The following TMEM70 variants were observed in gnomAD, a reference collection of about 807,000 sequenced individuals.
The protein encoded by TMEM70 is transmembrane protein 70.
Under a neutral mutation model 20.5 loss-of-function variants are expected in TMEM70, and 15 were observed. The ratio of observed to expected loss-of-function variants is 0.73; its 90% CI spans 0.49 to 1.13. TMEM70 has a LOEUF of 1.13. Among genes scored for constraint, TMEM70 ranks in the 50% most tolerant of loss-of-function variants. The pLI, the probability that TMEM70 is intolerant of heterozygous loss-of-function variation, is 0.00. For synonymous variants in TMEM70, 141 were observed against 134.2 expected, an observed-to-expected ratio of 1.05 and a Z score of -0.35; for missense variants, 344 against 331.7, an observed-to-expected ratio of 1.04 and a Z score of -0.29.
In TMEM70 at chr8:73,982,192, C is replaced by T. The variant is rs562758353; in HGVS notation, c.*571C>T. On this transcript the variant is annotated 3_prime_UTR_variant, in exon 3 of 3. Transcript: ENST00000312184. ...GTGGCAATTCACCGAATTCATATCA[C>T]TCTAACGAGTTGCAACGTAAAATCC... The T allele has an allele frequency of 2.8e-3, 1,537 of 553,102 alleles. 3 individuals are homozygous for T. Among genetic ancestry groups the T allele is most frequent in the Non-Finnish European group, 4.4e-3 (1,246 of 282,170 alleles). 34.3% of individuals were successfully genotyped at this position (553,102 alleles called of 1,614,324 possible). A position where few individuals can be genotyped will look rare whatever the true frequency, so the allele number is the denominator to read the frequency against.
Position 73,981,457 on chromosome 8 carries a change from CA to C in TMEM70, c.620del (p.His207LeufsTer14). 6.2e-7 allele frequency: 1 copy of C among 1,614,126 alleles called. No homozygotes were observed. The highest frequency in any genetic ancestry group is 1.1e-5 in the South Asian group (1 of 91,078). ...QNDVKIPDAK[H>X]VFTTFYAKTK... ...TGATGTGAAGATTCCAGATGCTAAACATGTATTTACCACATTTTATGCTAAA... is the reference window on the plus strand; with the variant it reads ...TGATGTGAAGATTCCAGATGCTAAACTGTATTTACCACATTTTATGCTAAA... On this transcript the variant is annotated frameshift_variant, in exon 3 of 3. Transcript: ENST00000312184. LOFTEE classifies it high-confidence loss of function.
Position 73,981,594 on chromosome 8 carries a change from A to G in TMEM70, c.756A>G (p.Glu252=). ...EFILYMEETS[E]EKRHKDDK ...TTTTGTATATGGAAGAAACCAGTGA[A>G]GAGAAACGGCATAAAGATGACAAAT... Residue 252 remains glutamate (E), a synonymous_variant, in exon 3 of 3, where the codon GAA becomes GAG. Transcript: ENST00000312184. 3 of 1,610,120 alleles carry G rather than the reference A, an allele frequency of 1.9e-6. No individual in the cohort carries two copies. The highest frequency in any genetic ancestry group is 2.5e-6 in the Non-Finnish European group (3 of 1,177,968).
intron 2 of TMEM70, 148 bp from the exon 3 acceptor site, chr8:73,981,007 C>G: frequency 2.9e-6 from 2 of 699,100 alleles, no homozygotes; most frequent in East Asian, 5.4e-5. Flanking sequence ...TAAAACAGAG[C>G]TTAGAATATA....
intron 1 of TMEM70, 141 bp from the exon 2 acceptor site, chr8:73,978,615 G>A (rs912452907): frequency 1.3e-5 from 10 of 794,268 alleles, no homozygotes; most frequent in East Asian, 2.8e-5. Context: ...GCTTGAACCC[G>A]GGAAGCAGAG....
chr8:73,976,233 T>C lies in TMEM70; in HGVS notation c.-49T>C, dbSNP rs1165236846. ...TCGGGTGGGAAGCCGTGTCTCGCAG[T>C]CGTGGACTCGTGCAGCTGGGGCGTC... On this transcript the variant is annotated 5_prime_UTR_variant, in exon 1 of 3. Transcript: ENST00000312184. 9.1e-6 allele frequency: 14 copies of C among 1,534,714 alleles called. No homozygotes were observed. Among genetic ancestry groups the C allele is most frequent in the Middle Eastern group, 1.9e-4 (1 of 5,302 alleles).
chr8:73,976,419 G>A lies in TMEM70; in HGVS notation c.138G>A (p.Ser46=), dbSNP rs1319873190. The A allele has an allele frequency of 1.9e-6, 3 of 1,577,810 alleles. No individual in the cohort carries two copies. Among genetic ancestry groups the A allele is most frequent in the Non-Finnish European group, 1.7e-6 (2 of 1,169,650 alleles). ...GGGCGTCCTCCAGCAGCGGGCCTTC[G>A]GGGCCGGTAGCCGGCTGGAGTACGG... is the stretch of plus-strand genomic sequence containing the variant. ...VSRASSSSGP[S]GPVAGWSTGP... is the part of the protein sequence containing the mutation. Residue 46 remains serine (S), a synonymous_variant, in exon 1 of 3, where the codon TCG becomes TCA. Transcript: ENST00000312184.
Position 73,982,338 on chromosome 8 carries a change from C to G in TMEM70, c.*717C>G, listed in dbSNP as rs754902965. On this transcript the variant is annotated 3_prime_UTR_variant, in exon 3 of 3. Coordinates refer to ENST00000312184, the MANE Select transcript of TMEM70 (RefSeq NM_017866.6). ...ACAAGAAAAACTTACGGTGAAGGTT[C>G]TAAGGCATGGGATCGTTTCCAGATG... 8 of 690,070 alleles carry G rather than the reference C, an allele frequency of 1.2e-5. No homozygotes were observed. Among genetic ancestry groups the G allele is most frequent in the Admixed American group, 7.1e-5 (4 of 56,190 alleles). The allele number at this position is 690,070 out of a possible 1,614,324, so 42.7% of individuals were successfully genotyped here. A position where few individuals can be genotyped will look rare whatever the true frequency, so the allele number is the denominator to read the frequency against.
At position 73,982,086 on chromosome 8, in the gene TMEM70, A is replaced by C. The variant is rs953759083; in HGVS notation, c.*465A>C. ...GCTCTTTGCTGTTGCCTGAGGACCA[A>C]GTCTGTCAGGAAGCTGGCTAGGAAG... On this transcript the variant is annotated 3_prime_UTR_variant, in exon 3 of 3. Coordinates refer to ENST00000312184, the MANE Select transcript of TMEM70 (RefSeq NM_017866.6). The C allele has an allele frequency of 4.2e-6, 2 of 473,752 alleles. No homozygotes were observed. Among genetic ancestry groups the C allele is most frequent in the African/African-American group, 2.0e-5 (1 of 50,810 alleles). The allele number at this position is 473,752 out of a possible 1,614,324, so 29.3% of individuals were successfully genotyped here. A position where few individuals can be genotyped will look rare whatever the true frequency, so the allele number is the denominator to read the frequency against.
chr8:73,979,866 A>G (rs956789284), intron 2 of TMEM70, among the ~76,000 whole-genome samples: 4 of 152,042 alleles, frequency 2.6e-5, no homozygotes, highest in African/African-American at 4.8e-5. Flanking sequence ...ACTCATTACC[A>G]TCAGACCAGC....
In TMEM70 at chr8:73,976,415, C is replaced by G; in HGVS notation, c.134C>G (p.Pro45Arg). The G allele has an allele frequency of 6.3e-7, 1 of 1,580,568 alleles. No individual in the cohort carries two copies. ...TCCCGGGCGTCCTCCAGCAGCGGGC[C>G]TTCGGGGCCGGTAGCCGGCTGGAGT... is the stretch of plus-strand genomic sequence containing the variant. Reference protein sequence around the residue: ...SVSRASSSSGPSGPVAGWSTG... With the variant: ...SVSRASSSSGRSGPVAGWSTG... Residue 45 changes from proline to arginine, a missense_variant, in exon 1 of 3, where the codon CCT becomes CGT. By Grantham distance (103) the Pro-to-Arg change is moderately radical (BLOSUM62 -2). Transcript: ENST00000312184.
chr8:73,976,738 T>A (rs1001577448), intron 1 of TMEM70, among the ~76,000 whole-genome samples: 3 of 152,210 alleles, frequency 2.0e-5, no homozygotes, highest in Admixed American at 1.3e-4. Context: ...AGAGGGTTTG[T>A]GGTGACAACT....
chr8:73,981,040 G>T, intron 2 of TMEM70, 115 bp from the exon 3 acceptor site: 1 of 859,360 alleles, frequency 1.2e-6, no homozygotes, highest in Non-Finnish European at 1.9e-6. Flanking sequence ...TTTATGGTTT[G>T]ATTTTGTTGT....
intron 1 of TMEM70, among the ~76,000 whole-genome samples, chr8:73,977,721 C>G (rs761845030): frequency 2.0e-5 from 3 of 151,782 alleles, no homozygotes; most frequent in Non-Finnish European, 4.4e-5. Flanking sequence ...CCAGGCTGGC[C>G]TTAAACTCCT....
chr8:73,980,078 T>G (rs1554599311), intron 2 of TMEM70, among the ~76,000 whole-genome samples: 1 of 152,122 alleles, frequency 6.6e-6, no homozygotes, highest in Non-Finnish European at 1.5e-5. Flanking sequence ...CTCAGTGTTT[T>G]TTTTGTATTT....
chr8:73,979,837 C>G (rs1815745880), intron 2 of TMEM70, among the ~76,000 whole-genome samples: 1 of 151,884 alleles, frequency 6.6e-6, no homozygotes, highest in East Asian at 1.9e-4. Flanking sequence ...TTTAGTGATG[C>G]CAGTGTTAAG....
intron 2 of TMEM70, 57 bp from the exon 3 acceptor site, chr8:73,981,098 A>T: frequency 7.0e-7 from 1 of 1,427,840 alleles, no homozygotes; most frequent in Non-Finnish European, 9.8e-7. Flanking sequence ...AGTGGGATAG[A>T]TTGATTCTTT....
At chr8:73,976,578 A>C in intron 1 of TMEM70, 87 bp downstream of exon 1, 2 of 1,305,070 alleles carry the variant, frequency 1.5e-6, no homozygotes, top group African/African-American at 1.5e-5. Context: ...GCTCTTCGCG[A>C]CCTCTCCCAG....
chr8:73,978,784 G>C lies in TMEM70; in HGVS notation c.239G>C (p.Arg80Pro). Residue 80 changes from arginine (R) to proline (P), a missense_variant, in exon 2 of 3, where the codon CGA becomes CCA. Arg to Pro is a moderately radical substitution (Grantham distance 103). Coordinates refer to ENST00000312184, the MANE Select transcript of TMEM70 (RefSeq NM_017866.6). ...QIPVYWEGYVRFLNTPSDKSE... is the reference protein window; with the variant it reads ...QIPVYWEGYVPFLNTPSDKSE... ...CCTGTTTATTGGGAAGGATATGTTC[G>C]ATTCTTAAATACGCCATCTGACAAA... 1 of 1,613,888 alleles carries C rather than the reference G, an allele frequency of 6.2e-7. No individual in the cohort carries two copies. The highest frequency in any genetic ancestry group is 8.5e-7 in the Non-Finnish European group (1 of 1,179,852).
At chr8:73,980,674 T>TA (rs1815769086) in intron 2 of TMEM70, among the ~76,000 whole-genome samples, 1 of 152,206 alleles carries the variant, frequency 6.6e-6, no homozygotes, top group South Asian at 2.1e-4. Flanking sequence ...GGCCGTCCGA[T>TA]ATGTTTTTTA....
Sources: allele counts gnomAD v4.1 joint callset (sites outside exome capture counted in the v4.1 genomes callset), GRCh38; gene constraint gnomAD v4.1.1; transcripts MANE v1.5; gene names NCBI Gene and HGNC (gene_info 2026-07-23, HGNC 2026-07-21).